ATAD2B: variants seen among roughly 807,000 people sequenced by gnomAD.
ATAD2B encodes ATPase family AAA domain containing 2B, also known as ATPase family AAA domain-containing protein 2B.
ATAD2B carries 40 observed loss-of-function variants against 167.6 expected under a neutral mutation model. The ratio of observed to expected loss-of-function variants is 0.24; its 90% CI spans 0.19 to 0.31. The LOEUF is 0.31. Ranked by LOEUF, ATAD2B falls within the 10% of genes least tolerant of loss-of-function variation. The probability of loss-of-function intolerance (pLI) is 1.00; values close to 1 mark genes in which losing one functional copy is unlikely to be tolerated. For synonymous variants in ATAD2B, 579 were observed against 596.5 expected, an observed-to-expected ratio of 0.97 and a Z score of 0.43; for missense variants, 1,242 against 1,757.2, an observed-to-expected ratio of 0.71 and a Z score of 5.24.
chr2:23,739,780 TC>T, the ATAD2B span, among the ~76,000 whole-genome samples: 1 of 151,768 alleles, frequency 6.6e-6, no homozygotes, highest in Admixed American at 6.6e-5. Context: ...TTTGAAAAGA[TC>T]AACAAAATTG....
chr2:23,891,943 C>T (rs1347112587), intron 2 of ATAD2B, among the ~76,000 whole-genome samples: 1 of 152,178 alleles, frequency 6.6e-6, no homozygotes. Context: ...CTCCCTTTCC[C>T]ATATAAACTC....
At chr2:23,714,028 G>A in the ATAD2B span, among the ~76,000 whole-genome samples, 1 of 152,030 alleles carries the variant, frequency 6.6e-6, no homozygotes, top group Non-Finnish European at 1.5e-5. Flanking sequence ...TTACTAAACT[G>A]GATACAAAAG....
chr2:23,756,336 C>G (rs1675947942), intron 25 of ATAD2B, among the ~76,000 whole-genome samples: 1 of 151,906 alleles, frequency 6.6e-6, no homozygotes, highest in Admixed American at 6.6e-5. Context: ...AATTCTTAGA[C>G]TTTGAATAAT....
chr2:23,914,511 T>C (rs551970454), intron 1 of ATAD2B, among the ~76,000 whole-genome samples: 13 of 152,118 alleles, frequency 8.5e-5, no homozygotes, highest in African/African-American at 2.9e-4. Context: ...ATTAAAAAGG[T>C]AGCTCATGCC....
At chr2:23,694,714 C>A in the ATAD2B span, among the ~76,000 whole-genome samples, 1 of 152,262 alleles carries the variant, frequency 6.6e-6, no homozygotes, top group South Asian at 2.1e-4. Context: ...CACTCTCTGA[C>A]GCCTCTACAC....
chr2:23,913,979 C>T (rs1269466568), intron 1 of ATAD2B, among the ~76,000 whole-genome samples: 1 of 151,922 alleles, frequency 6.6e-6, no homozygotes, highest in Non-Finnish European at 1.5e-5. Flanking sequence ...AAAAACCACA[C>T]CAGTATGGAC....
At position 23,896,673 on chromosome 2, in the gene ATAD2B, C is replaced by G. The variant is rs115111822; in HGVS notation, c.217-703G>C. On this transcript the variant is annotated intron_variant, in intron 1 of 27. Coordinates refer to ENST00000238789, the MANE Select transcript of ATAD2B (RefSeq NM_017552.4). ...TCAGGAAATGAACATTGGTATAATACAGAGTCAAACCACAGACATATTCAA... is the reference window on the plus strand; with the variant it reads ...TCAGGAAATGAACATTGGTATAATAGAGAGTCAAACCACAGACATATTCAA... Among the ~76,000 whole-genome samples the G allele has an allele frequency of 6.6e-3, 1,006 of 152,276 alleles. 9 individuals carry two copies. Among genetic ancestry groups the G allele is most frequent in the Non-Finnish European group, 0.011 (767 of 68,028 alleles).
At chr2:23,881,747 G>C (rs1473189732) in intron 6 of ATAD2B, among the ~76,000 whole-genome samples, 2 of 151,506 alleles carry the variant, frequency 1.3e-5, no homozygotes, top group Non-Finnish European at 2.9e-5. Context: ...TTTTGAGATG[G>C]AGTTTTGCTC....
At chr2:23,886,805 C>T (rs1483757748) in intron 4 of ATAD2B, among the ~76,000 whole-genome samples, 1 of 151,940 alleles carries the variant, frequency 6.6e-6, no homozygotes, top group African/African-American at 2.4e-5. Context: ...GTGACGGACA[C>T]CTGTAGTCCC....
At chr2:23,711,130 T>C in the ATAD2B span, among the ~76,000 whole-genome samples, 1 of 152,094 alleles carries the variant, frequency 6.6e-6, no homozygotes, top group Non-Finnish European at 1.5e-5. Context: ...ATATAAGATA[T>C]ACATCTAAAG....
At chr2:23,702,372 T>TTCC in the ATAD2B span, among the ~76,000 whole-genome samples, 1 of 152,254 alleles carries the variant, frequency 6.6e-6, no homozygotes. Flanking sequence ...TATAATAAAA[T>TTCC]GTCAGATATC....
In ATAD2B at chr2:23,910,408, C is replaced by T. The variant is rs544106237; in HGVS notation, c.217-14438G>A. ...GGTCAGGCTGGTCTCGAACTCCTGA[C>T]CTCAGGTGATCCACCTGCCTAGGCC... On this transcript the variant is annotated intron_variant, in intron 1 of 27. Transcript: ENST00000238789. Among the ~76,000 whole-genome samples the T allele has an allele frequency of 1.3e-4, 20 of 150,860 alleles. No homozygotes were observed. In the South Asian group the frequency reaches 4.2e-3, roughly 32 times the overall value.
chr2:23,860,330 T>C (rs1005414071), intron 12 of ATAD2B, among the ~76,000 whole-genome samples: 3 of 152,240 alleles, frequency 2.0e-5, no homozygotes, highest in African/African-American at 7.2e-5. Flanking sequence ...CCATGCAGAA[T>C]CTTAAAATTT....
At position 23,751,082 on chromosome 2, in the gene ATAD2B, C is replaced by T. The variant is rs1178281908; in HGVS notation, c.*964G>A. 6.6e-6 allele frequency: 1 copy of T among 152,126 alleles called. No individual in the cohort carries two copies. Among genetic ancestry groups the T allele is most frequent in the Non-Finnish European group, 1.5e-5 (1 of 68,006 alleles). The allele number at this position is 152,126 out of a possible 1,614,324, so 9.4% of individuals were successfully genotyped here. A position where few individuals can be genotyped will look rare whatever the true frequency, so the allele number is the denominator to read the frequency against. ...AACCATTTTTCTCTGGGAACTCAAA[C>T]ATGAATAACTATTAAATTGCCACTG... On this transcript the variant is annotated 3_prime_UTR_variant, in exon 28 of 28. Transcript: ENST00000238789.
At chr2:23,847,818 C>G (rs1176876307) in intron 13 of ATAD2B, among the ~76,000 whole-genome samples, 2 of 150,396 alleles carry the variant, frequency 1.3e-5, no homozygotes, top group Non-Finnish European at 3.0e-5. Flanking sequence ...AACCCCATCT[C>G]TACTAAAAAA....
At chr2:23,680,647 G>T in the ATAD2B span, among the ~76,000 whole-genome samples, 321 of 150,164 alleles carry the variant, frequency 2.1e-3, no homozygotes, top group Middle Eastern at 7.1e-3. This position sits in a 1 kb window ranked among gnomAD's most constrained non-coding sequence, Gnocchi z 4.1. Flanking sequence ...TTCTCCTGGG[G>T]TCTCTAGGCC....
At chr2:23,826,639 A>G (rs1324689811) in intron 15 of ATAD2B, among the ~76,000 whole-genome samples, 13 of 152,218 alleles carry the variant, frequency 8.5e-5, no homozygotes, top group Admixed American at 8.5e-4. Context: ...AAAATTTTAT[A>G]AAGTTTTAAG....
intron 16 of ATAD2B, among the ~76,000 whole-genome samples, chr2:23,820,782 C>T (rs1687320688): frequency 6.6e-6 from 1 of 152,058 alleles, no homozygotes; most frequent in Non-Finnish European, 1.5e-5. Flanking sequence ...CTTGTCTCTA[C>T]TAAAAATACA....
the ATAD2B span, among the ~76,000 whole-genome samples, chr2:23,714,239 CTTTT>C: frequency 4.4e-5 from 6 of 136,484 alleles, no homozygotes; most frequent in Admixed American, 2.2e-4. Flanking sequence ...TCTCAAAATA[CTTTT>C]TTTTTTTTTT....
Sources: gnomAD v4.1 joint callset for allele counts (sites outside exome capture counted in the v4.1 genomes callset) on GRCh38, gnomAD v4.1.1 for gene constraint, Gnocchi (gnomAD v3.1) non-coding constraint, MANE v1.5 for transcripts, NCBI Gene and HGNC (gene_info 2026-07-23, HGNC 2026-07-21) for gene names.